The following SKP1 variants were observed in gnomAD, a reference collection of about 807,000 sequenced individuals.
SKP1 encodes the protein S-phase kinase associated protein 1.
In SKP1, 1 loss-of-function variant was observed where a neutral mutation model predicts 21.5. The ratio of observed to expected loss-of-function variants is 0.05; its 90% confidence interval spans 0.02 to 0.22. The LOEUF (loss-of-function observed/expected upper bound fraction) is 0.22, where lower values mean the gene tolerates loss of function less well. Ranked by LOEUF, SKP1 falls within the 10% of genes least tolerant of loss-of-function variation. The pLI is 1.00. For missense variants in SKP1, 70 were observed against 192.0 expected, an observed-to-expected ratio of 0.36 and a Z score of 3.76; for synonymous variants, 59 against 59.3, an observed-to-expected ratio of 0.99 and a Z score of 0.03.
intron 4 of SKP1, 110 bp downstream of exon 4, chr5:134,160,877 T>C: frequency 1.4e-6 from 1 of 707,580 alleles, no homozygotes; most frequent in Non-Finnish European, 2.3e-6. Context: ...GGCGTTACAT[T>C]TGAATTTAGA....
At position 134,154,840 on chromosome 5, in the gene SKP1, G is replaced by C. The variant is rs896094510; in HGVS notation, c.*2893C>G. 6.6e-6 allele frequency: 1 copy of C among 152,138 alleles called. No homozygotes were observed. Among genetic ancestry groups the C allele is most frequent in the Non-Finnish European group, 1.5e-5 (1 of 68,034 alleles). 9.4% of individuals were successfully genotyped at this position (152,138 alleles called of 1,614,324 possible). The stretch of plus-strand genomic sequence containing the variant: ...CTTTACTACTATAACAGTAATTAGA[G>C]AAAGTCTTCATAATTCATCAGTAAC... On this transcript the variant is annotated 3_prime_UTR_variant, in exon 6 of 6. Transcript: ENST00000353411.
In SKP1 at chr5:134,151,853, C is replaced by A. The variant is rs1761049107; in HGVS notation, c.*5880G>T. The A allele has an allele frequency of 3.0e-6, 1 of 336,554 alleles. No individual in the cohort carries two copies. The highest frequency in any genetic ancestry group is 6.1e-6 in the Non-Finnish European group (1 of 162,926). 20.8% of individuals were successfully genotyped at this position (336,554 alleles called of 1,614,324 possible). ...TAGCCATCTATCACTCAAACTATGT[C>A]CCGCATTGGAAGTGTGTCAAGCAAG... On this transcript the variant is annotated 3_prime_UTR_variant, in exon 6 of 6. Transcript: ENST00000353411.
chr5:134,176,093 TAA>T (rs1310900780), intron 1 of SKP1, among the ~76,000 whole-genome samples: 2 of 152,172 alleles, frequency 1.3e-5, no homozygotes, highest in South Asian at 4.2e-4. Flanking sequence ...AAGTTTCCAT[TAA>T]AAGTGAATCA....
chr5:134,158,057 G>A, intron 5 of SKP1: 5 of 1,455,566 alleles, frequency 3.4e-6, no homozygotes, highest in Non-Finnish European at 4.6e-6. Flanking sequence ...CTGTAGTCAT[G>A]TCAACAAAAT....
intron 3 of SKP1, among the ~76,000 whole-genome samples, chr5:134,162,087 A>G (rs534388716): frequency 1.3e-5 from 2 of 152,200 alleles, no homozygotes; most frequent in Admixed American, 6.5e-5. Context: ...AACAATTTCA[A>G]TAAGGAAAAG....
chr5:134,157,598 G>T lies in SKP1; in HGVS notation c.*135C>A. 2 of 792,132 alleles carry T rather than the reference G, an allele frequency of 2.5e-6. No homozygotes were observed. The highest frequency in any genetic ancestry group is 4.4e-6 in the Non-Finnish European group (2 of 450,952). 49.1% of individuals were successfully genotyped at this position (792,132 alleles called of 1,614,324 possible). ...GTGCTCAAACTACACATGCAATGAG[G>T]ACAATATTCTGCTAATACAATTGAC... On this transcript the variant is annotated 3_prime_UTR_variant, in exon 6 of 6. Transcript: ENST00000353411.
chr5:134,159,476 G>A (rs1336211372), intron 4 of SKP1, among the ~76,000 whole-genome samples: 1 of 151,644 alleles, frequency 6.6e-6, no homozygotes, highest in Non-Finnish European at 1.5e-5. Context: ...TACCTCCTAG[G>A]TTCAGCCAAT....
chr5:134,163,711 AC>A (rs1761268531), intron 3 of SKP1, among the ~76,000 whole-genome samples: 1 of 151,910 alleles, frequency 6.6e-6, no homozygotes, highest in African/African-American at 2.4e-5. Flanking sequence ...GATCACCTGA[AC>A]CCGGGAGGTA....
At position 134,174,024 on chromosome 5, in the gene SKP1, TA is replaced by T. The variant is rs143993786; in HGVS notation, c.1-3del. On this transcript the variant is annotated splice_region_variant and splice_polypyrimidine_tract_variant and intron_variant, in intron 1 of 5. Coordinates refer to ENST00000353411, the MANE Select transcript of SKP1 (RefSeq NM_170679.3). ...ACTCTGCAACTTAATTGAAGGCATC[TA>T]AAAAAAAAGGACATTAAATATAAAA... 9.4e-4 allele frequency: 1,442 copies of T among 1,527,868 alleles called. No homozygotes were observed. Among genetic ancestry groups the T allele is most frequent in the Non-Finnish European group, 1.1e-3 (1,263 of 1,110,464 alleles). The allele number at this position is 1,527,868 out of a possible 1,614,324, so 94.6% of individuals were successfully genotyped here. A position where few individuals can be genotyped will look rare whatever the true frequency, so the allele number is the denominator to read the frequency against.
intron 3 of SKP1, among the ~76,000 whole-genome samples, chr5:134,166,316 C>T (rs182645413): frequency 6.6e-6 from 1 of 151,180 alleles, no homozygotes; most frequent in Admixed American, 6.6e-5. Context: ...GGCGCGGTGG[C>T]TCACACCTGT....
intron 1 of SKP1, chr5:134,174,478 A>G: frequency 1.0e-6 from 1 of 991,514 alleles, no homozygotes; most frequent in Non-Finnish European, 1.2e-6. Context: ...AGATGAGTTC[A>G]GATCCAAAGA....
In SKP1 at chr5:134,151,663, A is replaced by G. The variant is rs1282585849; in HGVS notation, c.*6070T>C. The G allele has an allele frequency of 2.2e-6, 1 of 456,246 alleles. No individual in the cohort carries two copies. Among genetic ancestry groups the G allele is most frequent in the South Asian group, 1.5e-5 (1 of 64,574 alleles). The allele number at this position is 456,246 out of a possible 1,614,324, so 28.3% of individuals were successfully genotyped here. On this transcript the variant is annotated 3_prime_UTR_variant, in exon 6 of 6. Transcript: ENST00000353411. ...ATACTTAAATACTTCCAGAAAATTT[A>G]AAGTTGACAGATATCAGAAGGTCGC... is the stretch of plus-strand genomic sequence containing the variant.
intron 3 of SKP1, among the ~76,000 whole-genome samples, chr5:134,162,115 T>G (rs1761231707): frequency 6.6e-6 from 1 of 151,814 alleles, no homozygotes; most frequent in Non-Finnish European, 1.5e-5. Flanking sequence ...AAGGGTTGTT[T>G]GTTTGTTTTT....
rs1349641487 is a variant in SKP1, at chr5:134,155,306, A to G, written c.*2427T>C. Reference sequence around the variant, plus strand: ...CACTCACTCCAGGTGAAAGCCTAGAAAAGTTCTAGTAGATATATTAAAGGA... The same window carrying G: ...CACTCACTCCAGGTGAAAGCCTAGAGAAGTTCTAGTAGATATATTAAAGGA... On this transcript the variant is annotated 3_prime_UTR_variant, in exon 6 of 6. Coordinates refer to ENST00000353411, the MANE Select transcript of SKP1 (RefSeq NM_170679.3). 6.6e-6 allele frequency: 1 copy of G among 152,244 alleles called. No individual in the cohort carries two copies. The highest frequency in any genetic ancestry group is 1.5e-5 in the Non-Finnish European group (1 of 68,044). 9.4% of individuals were successfully genotyped at this position (152,244 alleles called of 1,614,324 possible).
intron 2 of SKP1, 48 bp downstream of exon 2, chr5:134,173,878 A>G (rs1279423688): frequency 1.0e-6 from 1 of 1,004,350 alleles, no homozygotes; most frequent in East Asian, 2.4e-5. Context: ...TTCACAAACT[A>G]TCTCAAATTA....
At chr5:134,161,979 A>C (rs936099072) in intron 3 of SKP1, 2 of 152,210 alleles carry the variant, frequency 1.3e-5, no homozygotes, top group Admixed American at 1.3e-4. Flanking sequence ...TGTATGGCTA[A>C]AACTTTTTCA....
intron 3 of SKP1, among the ~76,000 whole-genome samples, chr5:134,165,440 A>T (rs1002354764): frequency 1.3e-5 from 2 of 151,886 alleles, no homozygotes; most frequent in African/African-American, 2.4e-5. Flanking sequence ...AAATAAAAAA[A>T]TTAGCTGGGC....
chr5:134,160,368 A>G (rs1761198279), intron 4 of SKP1, among the ~76,000 whole-genome samples: 1 of 151,570 alleles, frequency 6.6e-6, no homozygotes, highest in Admixed American at 6.6e-5. Context: ...AAAAATATAT[A>G]TATATATAAT....
intron 3 of SKP1, among the ~76,000 whole-genome samples, chr5:134,165,251 A>G (rs1761306718): frequency 6.6e-6 from 1 of 152,214 alleles, no homozygotes; most frequent in Non-Finnish European, 1.5e-5. Context: ...ATATTTTATC[A>G]CTATTTTTCT....
Sources: gnomAD v4.1 joint callset for allele counts (sites outside exome capture counted in the v4.1 genomes callset) on GRCh38, gnomAD v4.1.1 for gene constraint, MANE v1.5 for transcripts, NCBI Gene and HGNC (gene_info 2026-07-23, HGNC 2026-07-21) for gene names.